DDR2: variants seen among roughly 807,000 people sequenced by gnomAD.
DDR2 encodes the protein discoidin domain-containing receptor 2.
DDR2 carries 27 observed loss-of-function variants against 94.9 expected under a neutral mutation model. The ratio of observed to expected loss-of-function variants is 0.28; its 90% CI spans 0.21 to 0.39. DDR2 has a LOEUF of 0.39. Among genes scored for constraint, DDR2 ranks in the 10% least tolerant of loss-of-function variants. The pLI is 1.00. For missense variants in DDR2, 783 were observed against 1,076.0 expected (o/e 0.73, Z 3.81); for synonymous variants, 382 against 377.2 (o/e 1.01, Z -0.15).
At chr1:162,665,035 T>C (rs1452480869) in intron 2 of DDR2, among the ~76,000 whole-genome samples, 2 of 152,238 alleles carry the variant, frequency 1.3e-5, no homozygotes, top group African/African-American at 4.8e-5. Flanking sequence ...TGGTTTGACA[T>C]TCAAGGTCTT....
chr1:162,649,464 G>A (rs1657575423), intron 1 of DDR2, among the ~76,000 whole-genome samples: 1 of 152,072 alleles, frequency 6.6e-6, no homozygotes, highest in South Asian at 2.1e-4. Flanking sequence ...GGTGATCTTG[G>A]GTAAGTCATT....
intron 3 of DDR2, among the ~76,000 whole-genome samples, chr1:162,737,526 T>C (rs1239065441): frequency 8.1e-5 from 11 of 135,304 alleles, no homozygotes; most frequent in African/African-American, 1.9e-4. Flanking sequence ...CCATGGTGTA[T>C]ATGTGCCACA....
At chr1:162,632,715 G>A (rs1656616425) in intron 1 of DDR2, 84 bp downstream of exon 1, 1 of 152,038 alleles carries the variant, frequency 6.6e-6, no homozygotes, top group Non-Finnish European at 1.5e-5. Context: ...GGTGTTTCAG[G>A]AAAAGTTTTA....
In DDR2 at chr1:162,780,425, T is replaced by C; in HGVS notation, c.*179T>C. On this transcript the variant is annotated 3_prime_UTR_variant, in exon 18 of 18. Coordinates refer to ENST00000367921, the MANE Select transcript of DDR2 (RefSeq NM_006182.4). ...CTACCCCTGACTCATATACACTTTT[T>C]TTTTTTTTTACATTAAAGAACTAAA... 1 of 773,466 alleles carries C rather than the reference T, an allele frequency of 1.3e-6. No individual in the cohort carries two copies. Among genetic ancestry groups the C allele is most frequent in the Non-Finnish European group, 2.0e-6 (1 of 509,080 alleles). 47.9% of individuals were successfully genotyped at this position (773,466 alleles called of 1,614,324 possible).
intron 3 of DDR2, among the ~76,000 whole-genome samples, chr1:162,749,031 TA>T (rs1663037046): frequency 6.6e-6 from 1 of 152,182 alleles, no homozygotes; most frequent in Non-Finnish European, 1.5e-5. Flanking sequence ...TTTATAGCAC[TA>T]AATGCCCACA....
chr1:162,651,159 C>T (rs1657667493), intron 1 of DDR2, among the ~76,000 whole-genome samples: 1 of 152,206 alleles, frequency 6.6e-6, no homozygotes, highest in Non-Finnish European at 1.5e-5. Flanking sequence ...GGTTCAGCCT[C>T]ACAGAGCTTC....
At chr1:162,768,016 C>G (rs1571313860) in intron 11 of DDR2, among the ~76,000 whole-genome samples, 1 of 152,152 alleles carries the variant, frequency 6.6e-6, no homozygotes, top group Admixed American at 6.5e-5. Flanking sequence ...AATTTTTCCT[C>G]ATGCATAATT....
intron 3 of DDR2, among the ~76,000 whole-genome samples, chr1:162,727,095 CATTAAAATATAAACATATATTTAT>C: frequency 7.2e-6 from 1 of 138,062 alleles, no homozygotes; most frequent in Non-Finnish European, 1.5e-5. Flanking sequence ...ATTATTAATA[CATTAAAATATAAACATATATTTAT>C]ATTTTGTAAA....
intron 3 of DDR2, among the ~76,000 whole-genome samples, chr1:162,726,751 C>CT (rs1384201512): frequency 2.0e-5 from 3 of 152,028 alleles, no homozygotes; most frequent in Non-Finnish European, 4.4e-5. Flanking sequence ...TGTGGAAAGA[C>CT]TAAGAGTCTA....
At chr1:162,770,046 T>G (rs1358573144) in intron 11 of DDR2, among the ~76,000 whole-genome samples, 1 of 152,186 alleles carries the variant, frequency 6.6e-6, no homozygotes, top group East Asian at 1.9e-4. Flanking sequence ...TAATCTTTTT[T>G]TTTTAAGTGT....
intron 3 of DDR2, among the ~76,000 whole-genome samples, chr1:162,729,545 G>C (rs1661916277): frequency 6.8e-6 from 1 of 146,938 alleles, no homozygotes; most frequent in Admixed American, 6.8e-5. Flanking sequence ...TTTTCTTCCT[G>C]CTTCAGAGGT....
intron 12 of DDR2, among the ~76,000 whole-genome samples, chr1:162,771,574 T>G (rs748273197): frequency 6.6e-6 from 1 of 152,196 alleles, no homozygotes; most frequent in East Asian, 1.9e-4. Flanking sequence ...CCACTTCATA[T>G]TTTAAGGCTT....
intron 3 of DDR2, among the ~76,000 whole-genome samples, chr1:162,750,516 C>T (rs956888430): frequency 2.6e-5 from 4 of 152,322 alleles, no homozygotes; most frequent in East Asian, 3.9e-4. Context: ...AATGGAAGAA[C>T]ATTCCATGCT....
intron 1 of DDR2, among the ~76,000 whole-genome samples, chr1:162,645,028 T>G (rs1339399592): frequency 6.6e-6 from 1 of 152,202 alleles, no homozygotes; most frequent in Non-Finnish European, 1.5e-5. Context: ...ATTGGCAATG[T>G]AAGGTGGGTC....
intron 2 of DDR2, among the ~76,000 whole-genome samples, chr1:162,673,988 T>C (rs1365842590): frequency 6.6e-6 from 1 of 152,166 alleles, no homozygotes; most frequent in African/African-American, 2.4e-5. Context: ...AGGCCGTTTA[T>C]ATGCTTTTGT....
chr1:162,649,557 T>C (rs1331677689), intron 1 of DDR2, among the ~76,000 whole-genome samples: 2 of 152,194 alleles, frequency 1.3e-5, no homozygotes, highest in African/African-American at 4.8e-5. Flanking sequence ...TCTGTCTTCA[T>C]ATTCAAAAAG....
At chr1:162,652,058 C>T (rs922578197) in intron 1 of DDR2, among the ~76,000 whole-genome samples, 2 of 152,234 alleles carry the variant, frequency 1.3e-5, no homozygotes, top group African/African-American at 4.8e-5. Flanking sequence ...AAAACATGCA[C>T]TTTGGCATAA....
At chr1:162,639,164 T>G (rs1481849531) in intron 1 of DDR2, among the ~76,000 whole-genome samples, 1 of 152,042 alleles carries the variant, frequency 6.6e-6, no homozygotes, top group Non-Finnish European at 1.5e-5. Context: ...ATATAGACAG[T>G]TAAAAGACCA....
chr1:162,672,851 C>T (rs2101940824), intron 2 of DDR2, among the ~76,000 whole-genome samples: 1 of 152,248 alleles, frequency 6.6e-6, no homozygotes, highest in South Asian at 2.1e-4. Context: ...TGGGCATGTT[C>T]TCGGGGCCTC....
Sources: allele counts gnomAD v4.1 joint callset (sites outside exome capture counted in the v4.1 genomes callset), GRCh38; gene constraint gnomAD v4.1.1; transcripts MANE v1.5; gene names NCBI Gene and HGNC (gene_info 2026-07-23, HGNC 2026-07-21).